FBLN5: variants seen among roughly 807,000 people sequenced by gnomAD.
FBLN5 encodes the protein fibulin 5, also known as fibulin-5.
In FBLN5, 24 loss-of-function variants were observed where a neutral mutation model predicts 61.6. The ratio of observed to expected loss-of-function variants is 0.39; its 90% CI spans 0.28 to 0.55. The LOEUF (loss-of-function observed/expected upper bound fraction) is 0.55, where lower values mean the gene tolerates loss of function less well. FBLN5 is among the 20% of genes least tolerant of loss of function. The pLI, the probability that FBLN5 is intolerant of heterozygous loss-of-function variation, is 0.65. For synonymous variants in FBLN5, 213 were observed against 219.8 expected (o/e 0.97, Z 0.27); for missense variants, 470 against 594.1 (o/e 0.79, Z 2.17).
In FBLN5 at chr14:91,947,046, C is replaced by T; in HGVS notation, c.17+167G>A. 6.5e-7 allele frequency: 1 copy of T among 1,537,694 alleles called. No individual in the cohort carries two copies. The highest frequency in any genetic ancestry group is 8.8e-7 in the Non-Finnish European group (1 of 1,140,688). On this transcript the variant is annotated intron_variant, in intron 1 of 10. Coordinates refer to ENST00000342058, the MANE Select transcript of FBLN5 (RefSeq NM_006329.4). The surrounding 1 kb of genome is among the most constrained non-coding windows in gnomAD (Gnocchi z 4.3). Reference sequence around the variant, plus strand: ...AAAGAACGCTTCAAGATGGAAATTACAGAGGCGCAGCTTTTTATAATTAAC... The same window carrying T: ...AAAGAACGCTTCAAGATGGAAATTATAGAGGCGCAGCTTTTTATAATTAAC...
rs200128392 is a variant in FBLN5, at chr14:91,881,120, TACAC to T, written c.989+168_989+171del. The stretch of plus-strand genomic sequence containing the variant: ...CTATCTATTCTACTCTGTTCTATTC[TACAC>T]ACACACACACACACACACACACACA... On this transcript the variant is annotated intron_variant, in intron 9 of 10. Coordinates refer to ENST00000342058, the MANE Select transcript of FBLN5 (RefSeq NM_006329.4). Among the ~76,000 whole-genome samples, 28,946 of 61,212 alleles carry T rather than the reference TACAC, an allele frequency of 0.47. 3,265 individuals carry two copies. Among genetic ancestry groups the T allele is most frequent in the South Asian group, 0.56 (1,188 of 2,106 alleles). 40.2% of individuals were successfully genotyped at this position (61,212 alleles called of 152,430 possible). A position where few individuals can be genotyped will look rare whatever the true frequency, so the allele number is the denominator to read the frequency against.
intron 4 of FBLN5, among the ~76,000 whole-genome samples, chr14:91,899,116 C>G (rs957265081): frequency 1.3e-5 from 2 of 150,794 alleles, no homozygotes; most frequent in Admixed American, 1.3e-4. Context: ...TTCATTCATT[C>G]TTTATGCTCT....
chr14:91,894,235 CA>C (rs1890113876), intron 5 of FBLN5, among the ~76,000 whole-genome samples: 1 of 145,368 alleles, frequency 6.9e-6, no homozygotes, highest in Non-Finnish European at 1.5e-5. Flanking sequence ...CCTGTTTCTA[CA>C]AAAAATACAA....
chr14:91,940,082 C>T, intron 3 of FBLN5: 1 of 401,312 alleles, frequency 2.5e-6, no homozygotes, highest in South Asian at 1.9e-5. Flanking sequence ...CCTCCACTGA[C>T]AGTCAGCAAG....
At chr14:91,904,128 T>C (rs935398839) in intron 4 of FBLN5, among the ~76,000 whole-genome samples, 5 of 152,140 alleles carry the variant, frequency 3.3e-5, no homozygotes, top group Non-Finnish European at 7.4e-5. Flanking sequence ...CATCGGAACC[T>C]CCAGTTTCTT....
At chr14:91,905,777 A>G (rs970499428) in intron 4 of FBLN5, among the ~76,000 whole-genome samples, 3 of 151,754 alleles carry the variant, frequency 2.0e-5, no homozygotes, top group African/African-American at 7.3e-5. Context: ...ATGGGGTTTC[A>G]CCATGTTGGC....
intron 4 of FBLN5, among the ~76,000 whole-genome samples, chr14:91,912,809 C>T (rs1458283059): frequency 1.1e-5 from 1 of 93,046 alleles, no homozygotes; most frequent in Admixed American, 1.2e-4. Flanking sequence ...GACTCTGACT[C>T]AAAAAAAAAA....
chr14:91,907,430 G>C (rs958922796), intron 4 of FBLN5, among the ~76,000 whole-genome samples: 3 of 152,182 alleles, frequency 2.0e-5, no homozygotes, highest in Non-Finnish European at 4.4e-5. Context: ...CTTTGTTACA[G>C]TGGCTTAGTG....
chr14:91,880,422 T>C (rs1172183906), intron 9 of FBLN5, among the ~76,000 whole-genome samples: 2 of 152,230 alleles, frequency 1.3e-5, no homozygotes, highest in Admixed American at 1.3e-4. Context: ...GAGGAGATTC[T>C]AGAACCCTGA....
chr14:91,908,964 CT>C (rs1333108802), intron 4 of FBLN5, among the ~76,000 whole-genome samples: 2 of 151,936 alleles, frequency 1.3e-5, no homozygotes, highest in Non-Finnish European at 2.9e-5. Context: ...GTCGCTCAGG[CT>C]GGAGTGAAGT....
intron 4 of FBLN5, among the ~76,000 whole-genome samples, chr14:91,905,880 GTTGT>G (rs149035995): frequency 0.18 from 27,860 of 151,026 alleles, 2,764 homozygotes; most frequent in African/African-American, 0.25. Context: ...ACCTGGCCGA[GTTGT>G]TTGTTTGTTT....
chr14:91,937,918 A>G (rs1382653357), intron 3 of FBLN5, among the ~76,000 whole-genome samples: 1 of 152,276 alleles, frequency 6.6e-6, no homozygotes, highest in Non-Finnish European at 1.5e-5. Context: ...GCCCAAATAA[A>G]TGTATATTTA....
At chr14:91,893,977 T>C (rs1203198622) in intron 5 of FBLN5, among the ~76,000 whole-genome samples, 1 of 152,252 alleles carries the variant, frequency 6.6e-6, no homozygotes, top group Non-Finnish European at 1.5e-5. Flanking sequence ...CTTAGCATTA[T>C]TTCTAACTAA....
chr14:91,888,741 T>C (rs1429340804), intron 6 of FBLN5, among the ~76,000 whole-genome samples: 1 of 152,064 alleles, frequency 6.6e-6, no homozygotes, highest in African/African-American at 2.4e-5. Context: ...CAGTGGGAAC[T>C]GGAACATGAG....
In FBLN5 at chr14:91,870,219, G is replaced by A. The variant is rs980101770; in HGVS notation, c.*5C>T. ...GAGGCAGCGTCGGAGGCTCCAGCCC[G>A]AGGCTCAGAATGGGTACTGCGACAC... is the stretch of plus-strand genomic sequence containing the variant. On this transcript the variant is annotated 3_prime_UTR_variant, in exon 11 of 11. Coordinates refer to ENST00000342058, the MANE Select transcript of FBLN5 (RefSeq NM_006329.4). The A allele has an allele frequency of 8.7e-6, 14 of 1,613,988 alleles. No individual in the cohort carries two copies. Among genetic ancestry groups the A allele is most frequent in the Non-Finnish European group, 1.0e-5 (12 of 1,179,936 alleles).
chr14:91,873,316 T>C (rs941577753), intron 10 of FBLN5, among the ~76,000 whole-genome samples: 2 of 152,186 alleles, frequency 1.3e-5, no homozygotes, highest in African/African-American at 4.8e-5. Flanking sequence ...ATGCCAGGCA[T>C]CTGGCTACAA....
chr14:91,937,281 C>A, intron 3 of FBLN5, 80 bp from the exon 4 acceptor site: 1 of 1,584,978 alleles, frequency 6.3e-7, no homozygotes, highest in Non-Finnish European at 8.6e-7. Context: ...GAACTCGGTA[C>A]CAGGCGTGGA....
intron 4 of FBLN5, among the ~76,000 whole-genome samples, chr14:91,922,789 A>G (rs940852050): frequency 2.0e-5 from 3 of 152,176 alleles, no homozygotes; most frequent in Non-Finnish European, 4.4e-5. Context: ...CAGGAATTAT[A>G]AAGGCAGTGT....
intron 4 of FBLN5, among the ~76,000 whole-genome samples, chr14:91,903,593 C>A (rs1390866175): frequency 1.3e-5 from 2 of 152,084 alleles, no homozygotes; most frequent in African/African-American, 4.8e-5. Flanking sequence ...TATTCCTCAC[C>A]CATCCTGACC....
Sources: allele counts gnomAD v4.1 joint callset (sites outside exome capture counted in the v4.1 genomes callset), GRCh38; gene constraint gnomAD v4.1.1; non-coding constraint Gnocchi (gnomAD v3.1); transcripts MANE v1.5; gene names NCBI Gene and HGNC (gene_info 2026-07-23, HGNC 2026-07-21).